The following SPMIP7 variants were observed in gnomAD, a reference collection of about 807,000 sequenced individuals.
SPMIP7 encodes the protein sperm microtubule inner protein 7, also known as protein SPMIP7.
chr7:50,123,393 T>A, the SPMIP7 span, among the ~76,000 whole-genome samples: 11 of 121,204 alleles, frequency 9.1e-5, no homozygotes, highest in African/African-American at 1.6e-4. Context: ...CAGGAAGGGG[T>A]ACATCACACT....
the SPMIP7 span, among the ~76,000 whole-genome samples, chr7:50,136,874 T>C: frequency 7.2e-5 from 11 of 152,214 alleles, no homozygotes; most frequent in African/African-American, 2.7e-4. Flanking sequence ...TTTTTGAATA[T>C]TTTATGTACA....
the SPMIP7 span, among the ~76,000 whole-genome samples, chr7:50,155,940 C>T: frequency 6.6e-6 from 1 of 152,186 alleles, no homozygotes; most frequent in Non-Finnish European, 1.5e-5. Context: ...GTGCAGATAA[C>T]TCTCTAGAAA....
At chr7:50,124,278 T>C in the SPMIP7 span, among the ~76,000 whole-genome samples, 1 of 152,198 alleles carries the variant, frequency 6.6e-6, no homozygotes, top group African/African-American at 2.4e-5. Context: ...AGATACACAA[T>C]TCCACTGATC....
the SPMIP7 span, among the ~76,000 whole-genome samples, chr7:50,119,139 C>T: frequency 6.6e-6 from 1 of 152,124 alleles, no homozygotes; most frequent in Non-Finnish European, 1.5e-5. Context: ...GGTCCTCTCC[C>T]TATTGGAAGA....
At chr7:50,123,934 A>G in the SPMIP7 span, among the ~76,000 whole-genome samples, 1 of 152,156 alleles carries the variant, frequency 6.6e-6, no homozygotes, top group Admixed American at 6.6e-5. Context: ...TCCAATTATA[A>G]GGCAGACATT....
At chr7:50,142,909 C>A in the SPMIP7 span, 2 of 152,120 alleles carry the variant, frequency 1.3e-5, no homozygotes, top group Non-Finnish European at 2.9e-5. Context: ...AGCTACAAAG[C>A]AAAGTACAGG....
chr7:50,128,408 G>A, the SPMIP7 span, among the ~76,000 whole-genome samples: 1 of 151,848 alleles, frequency 6.6e-6, no homozygotes, highest in African/African-American at 2.4e-5. Flanking sequence ...TATCAGTGGG[G>A]TGACTATAGT....
chr7:50,129,736 T>C, the SPMIP7 span: 2 of 1,548,534 alleles, frequency 1.3e-6, no homozygotes, highest in Non-Finnish European at 1.7e-6. Flanking sequence ...GAACCACTTG[T>C]TCAAACAAAC....
At chr7:50,157,989 C>G in the SPMIP7 span, among the ~76,000 whole-genome samples, 2 of 152,236 alleles carry the variant, frequency 1.3e-5, no homozygotes, top group Non-Finnish European at 2.9e-5. Flanking sequence ...GAAGCCCAGT[C>G]ATGAGCCTCC....
chr7:50,128,635 G>A, the SPMIP7 span, among the ~76,000 whole-genome samples: 34 of 152,030 alleles, frequency 2.2e-4, no homozygotes, highest in East Asian at 3.9e-3. Context: ...TATGAAAGCC[G>A]ATAGTGGTAG....
the SPMIP7 span, among the ~76,000 whole-genome samples, chr7:50,135,079 G>A: frequency 9.2e-5 from 14 of 152,190 alleles, no homozygotes; most frequent in African/African-American, 1.9e-4. Context: ...TCCCATGCTC[G>A]TTTCCAGGTT....
chr7:50,141,560 A>G, the SPMIP7 span: 2 of 560,600 alleles, frequency 3.6e-6, no homozygotes, highest in Non-Finnish European at 6.4e-6. Flanking sequence ...GATTTTGGGG[A>G]TTGACTCACT....
chr7:50,109,734 T>C, the SPMIP7 span, among the ~76,000 whole-genome samples: 1 of 152,192 alleles, frequency 6.6e-6, no homozygotes, highest in South Asian at 2.1e-4. Flanking sequence ...AAAGAGATTA[T>C]ATATTTTTAT....
At chr7:50,105,619 C>T in the SPMIP7 span, among the ~76,000 whole-genome samples, 5 of 152,132 alleles carry the variant, frequency 3.3e-5, no homozygotes, top group Non-Finnish European at 7.3e-5. Context: ...AGTATATGTC[C>T]TCAATGCCTC....
At chr7:50,111,556 A>G in the SPMIP7 span, among the ~76,000 whole-genome samples, 5 of 152,202 alleles carry the variant, frequency 3.3e-5, no homozygotes, top group African/African-American at 1.2e-4. Flanking sequence ...GCTTCCTGGT[A>G]GCCCTTCCCT....
chr7:50,118,742 ACAAATGGCATTTTACAGCTGAAATTGG>A, the SPMIP7 span, among the ~76,000 whole-genome samples: 1 of 152,198 alleles, frequency 6.6e-6, no homozygotes, highest in African/African-American at 2.4e-5. Context: ...AGGTCAAAAG[ACAAATGGCATTTTACAGCTGAAATTGG>A]CAAAGTTAAC....
the SPMIP7 span, among the ~76,000 whole-genome samples, chr7:50,150,329 G>C: frequency 6.6e-6 from 1 of 152,162 alleles, no homozygotes; most frequent in South Asian, 2.1e-4. Context: ...AAAGGTCCAA[G>C]GATGGCAAGT....
the SPMIP7 span, chr7:50,120,062 T>C: frequency 6.6e-6 from 1 of 152,194 alleles, no homozygotes; most frequent in African/African-American, 2.4e-5. Flanking sequence ...CTGAGGAGAA[T>C]TTGTTTACTG....
chr7:50,159,047 G>A, the SPMIP7 span: 67 of 1,551,786 alleles, frequency 4.3e-5, no homozygotes, highest in South Asian at 7.0e-4. Flanking sequence ...CTGCCCCAGC[G>A]TCTTCCAGAA....
Sources: gnomAD v4.1 joint callset for allele counts (sites outside exome capture counted in the v4.1 genomes callset) on GRCh38, gnomAD v4.1.1 for gene constraint, MANE v1.5 for transcripts, NCBI Gene and HGNC (gene_info 2026-07-23, HGNC 2026-07-21) for gene names.